The following ACYP2 variants were observed in gnomAD, a reference collection of about 807,000 sequenced individuals.
ACYP2 encodes acylphosphatase 2.
Under a neutral mutation model 11.2 loss-of-function variants are expected in ACYP2, and 12 were observed. The ratio of observed to expected loss-of-function variants is 1.08; its 90% CI spans 0.69 to 1.74. The LOEUF is 1.74. Among genes scored for constraint, ACYP2 ranks in the 40% most tolerant of loss-of-function variants. The pLI is 0.00. For synonymous variants in ACYP2, 43 were observed against 32.2 expected, an observed-to-expected ratio of 1.33 and a Z score of -1.13; for missense variants, 134 against 101.9, an observed-to-expected ratio of 1.31 and a Z score of -1.35.
At chr2:54,049,668 A>G (rs1229480840) in intron 2 of ACYP2, among the ~76,000 whole-genome samples, 1 of 152,138 alleles carries the variant, frequency 6.6e-6, no homozygotes, top group Non-Finnish European at 1.5e-5. Flanking sequence ...TACTCCCCCC[A>G]AACAACTATG....
At chr2:54,098,726 CTTTT>C (rs34123335) in intron 4 of ACYP2, among the ~76,000 whole-genome samples, 188 of 140,770 alleles carry the variant, frequency 1.3e-3, no homozygotes, top group East Asian at 2.7e-3. Context: ...GACAATGTCC[CTTTT>C]TTTTTTTTTT....
chr2:54,219,376 T>C (rs551999105), intron 6 of ACYP2, among the ~76,000 whole-genome samples: 15 of 151,868 alleles, frequency 9.9e-5, no homozygotes, highest in Non-Finnish European at 1.8e-4. Flanking sequence ...CAATAGAAAA[T>C]AAGATTGGAA....
intron 6 of ACYP2, among the ~76,000 whole-genome samples, chr2:54,302,915 T>A (rs1277174297): frequency 6.6e-6 from 1 of 152,244 alleles, no homozygotes; most frequent in Non-Finnish European, 1.5e-5. Flanking sequence ...ACAACCACTC[T>A]GCTAACCACC....
chr2:54,100,524 G>A (rs1406992989), intron 4 of ACYP2, among the ~76,000 whole-genome samples: 2 of 151,532 alleles, frequency 1.3e-5, no homozygotes, highest in East Asian at 3.9e-4. Context: ...GCCCAGGCTG[G>A]CCTTGAACTC....
At chr2:54,037,616 C>A (rs1674978948) in intron 2 of ACYP2, among the ~76,000 whole-genome samples, 1 of 152,102 alleles carries the variant, frequency 6.6e-6, no homozygotes, top group African/African-American at 2.4e-5. Flanking sequence ...CAATGTTACC[C>A]AGGCTAATCT....
chr2:54,214,419 T>C (rs1300194687), intron 6 of ACYP2, among the ~76,000 whole-genome samples: 1 of 152,214 alleles, frequency 6.6e-6, no homozygotes, highest in South Asian at 2.1e-4. Context: ...CTTTTTTATA[T>C]GGTGAAAGGA....
intron 2 of ACYP2, among the ~76,000 whole-genome samples, chr2:54,013,019 G>T (rs1403459595): frequency 6.6e-6 from 1 of 152,122 alleles, no homozygotes; most frequent in East Asian, 1.9e-4. Flanking sequence ...GACGTGCACT[G>T]TCGTTGCAGG....
intron 6 of ACYP2, 133 bp from the exon 4 acceptor site, chr2:54,304,555 A>C: frequency 1.7e-6 from 1 of 586,392 alleles, no homozygotes; most frequent in Non-Finnish European, 3.0e-6. Context: ...AATGTAAACA[A>C]ATTTAAATAT....
In ACYP2 at chr2:54,005,435, G is replaced by A. The variant is rs143659831; in HGVS notation, c.62+31625G>A. ...GCTCACTGCCACTTCCACCTGCCAG[G>A]TTCAAGCGATCTTCCTGCCTGTGCC... On this transcript the variant is annotated intron_variant, in intron 2 of 6. Coordinates refer to ENST00000607452, the MANE Select transcript of ACYP2 (RefSeq NM_001320586.2). Among the ~76,000 whole-genome samples the A allele has an allele frequency of 2.9e-3, 446 of 152,092 alleles. 7 individuals carry two copies. The highest frequency in any genetic ancestry group is 0.014 in the East Asian group (74 of 5,164).
At chr2:54,239,837 A>T (rs940212979) in intron 6 of ACYP2, among the ~76,000 whole-genome samples, 1 of 152,228 alleles carries the variant, frequency 6.6e-6, no homozygotes, top group African/African-American at 2.4e-5. Context: ...TCATGGTAGA[A>T]TAGGGAAGAA....
chr2:54,261,305 TA>T (rs1352072756), intron 6 of ACYP2, among the ~76,000 whole-genome samples: 5 of 151,722 alleles, frequency 3.3e-5, no homozygotes, highest in Non-Finnish European at 5.9e-5. Flanking sequence ...TTTTTTTTCC[TA>T]AAAAAAGGGA....
intron 6 of ACYP2, among the ~76,000 whole-genome samples, chr2:54,178,688 C>G (rs1444074444): frequency 6.6e-6 from 1 of 152,080 alleles, no homozygotes; most frequent in East Asian, 1.9e-4. Context: ...AGGAAAAATA[C>G]AAAGCATTTA....
chr2:54,128,293 T>A (rs910211703), intron 4 of ACYP2, among the ~76,000 whole-genome samples: 3 of 152,222 alleles, frequency 2.0e-5, no homozygotes, highest in Non-Finnish European at 2.9e-5. Context: ...AGTTCATCAT[T>A]TAACGTGTTT....
rs115319304 is a variant in ACYP2, at chr2:54,247,438, G to A, written c.405-57250G>A. Among the ~76,000 whole-genome samples, 766 of 152,300 alleles carry A rather than the reference G, an allele frequency of 5.0e-3. 4 individuals carry two copies. The highest frequency in any genetic ancestry group is 0.018 in the African/African-American group (741 of 41,566). Reference sequence around the variant, plus strand: ...AAGCAGAAAGCTCATTGGAGCTGCTGAACACCTCAAAATATACTTCAGTTT... The same window carrying A: ...AAGCAGAAAGCTCATTGGAGCTGCTAAACACCTCAAAATATACTTCAGTTT... On this transcript the variant is annotated intron_variant, in intron 6 of 6. Coordinates refer to ENST00000607452, the MANE Select transcript of ACYP2 (RefSeq NM_001320586.2).
At chr2:54,054,806 A>G (rs552145710) in intron 3 of ACYP2, among the ~76,000 whole-genome samples, 48 of 152,222 alleles carry the variant, frequency 3.2e-4, no homozygotes, top group Non-Finnish European at 5.3e-4. Flanking sequence ...AGGATTTGAC[A>G]TATCTCCCAT....
At chr2:54,236,049 T>A (rs1217909221) in intron 6 of ACYP2, among the ~76,000 whole-genome samples, 2 of 152,110 alleles carry the variant, frequency 1.3e-5, no homozygotes, top group Non-Finnish European at 2.9e-5. Flanking sequence ...CTTGTTGCTG[T>A]TATCTTTTTA....
chr2:54,083,853 G>T (rs1044624534), intron 4 of ACYP2, among the ~76,000 whole-genome samples: 1 of 152,136 alleles, frequency 6.6e-6, no homozygotes, highest in Admixed American at 6.5e-5. Context: ...GGCAGATCCA[G>T]GTTTCAGTTT....
intron 2 of ACYP2, among the ~76,000 whole-genome samples, chr2:54,002,879 C>T (rs1314137631): frequency 6.6e-6 from 1 of 151,180 alleles, no homozygotes; most frequent in South Asian, 2.1e-4. Flanking sequence ...AACTCCTCAC[C>T]TCAGGTGATC....
intron 6 of ACYP2, among the ~76,000 whole-genome samples, chr2:54,160,611 C>A (rs766692161): frequency 3.3e-5 from 5 of 152,106 alleles, no homozygotes; most frequent in South Asian, 2.1e-4. Context: ...GGAATAAGGA[C>A]CTTTCAGGAG....
Sources: gnomAD v4.1 joint callset for allele counts (sites outside exome capture counted in the v4.1 genomes callset) on GRCh38, gnomAD v4.1.1 for gene constraint, MANE v1.5 for transcripts, NCBI Gene and HGNC (gene_info 2026-07-23, HGNC 2026-07-21) for gene names.